Variants in KIAA1217 observed in about 807,000 individuals in gnomAD.
KIAA1217 encodes sickle tail protein homolog.
Under a neutral mutation model 163.9 loss-of-function variants are expected in KIAA1217, and 88 were observed. The ratio of observed to expected loss-of-function variants is 0.54; its 90% CI spans 0.45 to 0.64. The LOEUF is 0.64. Ranked by LOEUF, KIAA1217 falls within the 30% of genes least tolerant of loss-of-function variation. The pLI, the probability that KIAA1217 is intolerant of heterozygous loss-of-function variation, is 0.00. For synonymous variants in KIAA1217, 903 were observed against 923.1 expected (o/e 0.98, Z 0.39); for missense variants, 2,372 against 2,475.0 (o/e 0.96, Z 0.88).
chr10:24,418,556 C>T (rs1323993159), intron 3 of KIAA1217, among the ~76,000 whole-genome samples: 2 of 152,190 alleles, frequency 1.3e-5, no homozygotes, highest in African/African-American at 2.4e-5. Context: ...TATATTCACT[C>T]CTCTGTAATA....
At chr10:24,244,706 A>G (rs1240616581) in intron 2 of KIAA1217, among the ~76,000 whole-genome samples, 4 of 151,614 alleles carry the variant, frequency 2.6e-5, no homozygotes, top group African/African-American at 9.7e-5. Context: ...CTGAGATTAT[A>G]GGCATGTGCT....
At chr10:24,089,022 GATTTGCATTTCTCTGATGGCCA>G in intron 2 of KIAA1217, among the ~76,000 whole-genome samples, 1 of 125,508 alleles carries the variant, frequency 8.0e-6, no homozygotes, top group East Asian at 1.9e-4. Context: ...CTGTGGTTTT[GATTTGCATTTCTCTGATGGCCA>G]GTGGTGATGA....
chr10:24,207,826 C>G (rs2067648641), upstream of KIAA1217, among the ~76,000 whole-genome samples: 1 of 152,108 alleles, frequency 6.6e-6, no homozygotes, highest in Admixed American at 6.6e-5. Flanking sequence ...TCTTAAATGG[C>G]CAAAATACGT....
chr10:24,017,591 T>G (rs1483394135), intron 2 of KIAA1217, among the ~76,000 whole-genome samples: 1 of 152,234 alleles, frequency 6.6e-6, no homozygotes, highest in Non-Finnish European at 1.5e-5. Context: ...CACAGTATAC[T>G]CAACTTTAAG....
intron 1 of KIAA1217, among the ~76,000 whole-genome samples, chr10:23,975,857 G>A (rs1342851665): frequency 6.6e-6 from 1 of 152,118 alleles, no homozygotes; most frequent in African/African-American, 2.4e-5. Context: ...GAAAGAGGCA[G>A]TTCCATGGCA....
intron 2 of KIAA1217, among the ~76,000 whole-genome samples, chr10:24,264,559 T>C (rs368443755): frequency 6.6e-5 from 10 of 152,142 alleles, no homozygotes; most frequent in South Asian, 2.1e-4. Flanking sequence ...CAGGAAACCA[T>C]TGAACTGTGA....
At chr10:24,087,800 T>C (rs2061751335) in intron 2 of KIAA1217, among the ~76,000 whole-genome samples, 1 of 152,224 alleles carries the variant, frequency 6.6e-6, no homozygotes, top group Non-Finnish European at 1.5e-5. Flanking sequence ...CAGCACTCTT[T>C]CCACACTTAT....
intron 2 of KIAA1217, among the ~76,000 whole-genome samples, chr10:24,177,240 G>T (rs866454781): frequency 1.6e-4 from 18 of 113,540 alleles, no homozygotes; most frequent in African/African-American, 6.4e-4. Context: ...CTGCTAGCAC[G>T]TTTTCACCTC....
At chr10:24,134,006 C>T (rs1415319181) in intron 2 of KIAA1217, among the ~76,000 whole-genome samples, 1 of 152,162 alleles carries the variant, frequency 6.6e-6, no homozygotes, top group African/African-American at 2.4e-5. Flanking sequence ...CTCTTGCTGA[C>T]ACAGCTGATT....
chr10:23,737,614 A>C (rs967934518), intron 1 of KIAA1217, among the ~76,000 whole-genome samples: 1 of 152,220 alleles, frequency 6.6e-6, no homozygotes, highest in Non-Finnish European at 1.5e-5. Flanking sequence ...ATTTTACACA[A>C]AAAATTATTT....
chr10:24,462,656 C>G (rs1204855529), intron 5 of KIAA1217, among the ~76,000 whole-genome samples: 1 of 152,058 alleles, frequency 6.6e-6, no homozygotes, highest in African/African-American at 2.4e-5. Context: ...GTTCTGGAGC[C>G]CATGAAATGT....
At chr10:24,378,683 T>A (rs2052872333) in intron 2 of KIAA1217, among the ~76,000 whole-genome samples, 1 of 152,074 alleles carries the variant, frequency 6.6e-6, no homozygotes, top group Admixed American at 6.6e-5. Context: ...GGCACAAGTG[T>A]CAGCAATTTC....
intron 2 of KIAA1217, among the ~76,000 whole-genome samples, chr10:24,298,514 C>T (rs377664486): frequency 2.6e-5 from 4 of 152,136 alleles, no homozygotes; most frequent in Non-Finnish European, 4.4e-5. Flanking sequence ...ATAGGAGTAG[C>T]GAGCCGGGCG....
At chr10:24,334,885 T>A (rs1438908973) in intron 2 of KIAA1217, among the ~76,000 whole-genome samples, 4 of 152,238 alleles carry the variant, frequency 2.6e-5, no homozygotes. Flanking sequence ...TTGTTGAAGT[T>A]GTACTCCTGG....
chr10:23,758,096 C>T (rs1371888046), intron 1 of KIAA1217, among the ~76,000 whole-genome samples: 2 of 151,890 alleles, frequency 1.3e-5, no homozygotes, highest in African/African-American at 4.8e-5. Context: ...TGTGGCCTGT[C>T]CCTTTGGTGT....
In KIAA1217 at chr10:24,088,112, T is replaced by C. The variant is rs1011919788; in HGVS notation, c.-171+80738T>C. Among the ~76,000 whole-genome samples, 3 of 123,240 alleles carry C rather than the reference T, an allele frequency of 2.4e-5. 1 individual carries two copies. The highest frequency in any genetic ancestry group is 6.0e-5 in the Non-Finnish European group (3 of 49,786). The allele number at this position is 123,240 out of a possible 152,430, so 80.9% of individuals were successfully genotyped here. A position where few individuals can be genotyped will look rare whatever the true frequency, so the allele number is the denominator to read the frequency against. ...TGCATACAGTAAACTCTAAGGGTTA[T>C]GTAGATAATGAGTTCTTTTTTCATG... On this transcript the variant is annotated intron_variant, in intron 2 of 18. Coordinates refer to the KIAA1217 transcript ENST00000376462.
At position 24,544,464 on chromosome 10, in the gene KIAA1217, C is replaced by A; in HGVS notation, c.5194C>A (p.Pro1732Thr). 1.2e-6 allele frequency: 2 copies of A among 1,611,222 alleles called. No homozygotes were observed. The highest frequency in any genetic ancestry group is 1.7e-6 in the Non-Finnish European group (2 of 1,178,278). Residue 1732 changes from proline (P) to threonine (T), a missense_variant, in exon 19 of 21, where the codon CCT becomes ACT. Around this residue, in one of 3 missense-constraint regions of KIAA1217, gnomAD observed 690 missense variants for 677.5 expected, o/e 1.02. Transcript: ENST00000376454. Reference protein sequence around the residue: ...PTALEPPTSIPSASRKGSSGA... With the variant: ...PTALEPPTSITSASRKGSSGA... Reference sequence around the variant, plus strand: ...TGCCCTAGAGCCCCCTACGTCGATACCTTCAGCTTCACGTAAGGTATCTTG... The same window carrying A: ...TGCCCTAGAGCCCCCTACGTCGATAACTTCAGCTTCACGTAAGGTATCTTG...
chr10:23,946,242 G>C (rs1589125874), intron 1 of KIAA1217, among the ~76,000 whole-genome samples: 1 of 145,530 alleles, frequency 6.9e-6, no homozygotes, highest in Non-Finnish European at 1.5e-5. Context: ...CATGCATGCT[G>C]TGTGCCTCCA....
At chr10:23,775,695 C>T (rs577799162) in intron 1 of KIAA1217, among the ~76,000 whole-genome samples, 1 of 152,336 alleles carries the variant, frequency 6.6e-6, no homozygotes, top group African/African-American at 2.4e-5. Flanking sequence ...TTATGATGGA[C>T]TATACCTTTT....
Sources: gnomAD v4.1 joint callset for allele counts (sites outside exome capture counted in the v4.1 genomes callset) on GRCh38, gnomAD v4.1.1 for gene constraint, gnomAD v4.1.1 regional missense constraint, MANE v1.5 for transcripts, NCBI Gene and HGNC (gene_info 2026-07-23, HGNC 2026-07-21) for gene names.